Variants in ABCG2 observed in about 807,000 individuals in gnomAD.
The protein encoded by ABCG2 is ATP binding cassette subfamily G member 2 (JR blood group), also known as broad substrate specificity ATP-binding cassette transporter ABCG2.
A neutral mutation model predicts 73.5 loss-of-function variants in ABCG2; 80 were observed. The ratio of observed to expected loss-of-function variants is 1.09; its 90% CI spans 0.91 to 1.31. The LOEUF (loss-of-function observed/expected upper bound fraction) is 1.31. Among genes scored for constraint, ABCG2 ranks in the 50% most tolerant of loss-of-function variants. The pLI, the probability that ABCG2 is intolerant of heterozygous loss-of-function variation, is 0.00. For missense variants in ABCG2, 796 were observed against 786.2 expected, an observed-to-expected ratio of 1.01 and a Z score of -0.15; for synonymous variants, 269 against 282.4, an observed-to-expected ratio of 0.95 and a Z score of 0.48.
intron 12 of ABCG2, among the ~76,000 whole-genome samples, chr4:88,099,083 GACCC>G (rs1364804189): frequency 3.3e-5 from 5 of 152,186 alleles, no homozygotes; most frequent in Non-Finnish European, 7.4e-5. Context: ...GACAGAGCAA[GACCC>G]TGTCTCAAAA....
At chr4:88,194,399 A>G (rs1436643647) in intron 1 of ABCG2, among the ~76,000 whole-genome samples, 1 of 151,750 alleles carries the variant, frequency 6.6e-6, no homozygotes, top group African/African-American at 2.4e-5. Flanking sequence ...AAATACAAAA[A>G]ATTAGCAGGG....
chr4:88,218,189 A>ACC (rs1729884727), intron 1 of ABCG2, among the ~76,000 whole-genome samples: 1 of 152,056 alleles, frequency 6.6e-6, no homozygotes, highest in Admixed American at 6.6e-5. Context: ...AACAAGGCCT[A>ACC]CCCCAACCAC....
intron 1 of ABCG2, among the ~76,000 whole-genome samples, chr4:88,201,209 C>CAAAAA (rs3061250): frequency 2.3e-3 from 248 of 105,974 alleles, no homozygotes; most frequent in Admixed American, 3.7e-3. Flanking sequence ...GCACTAACTG[C>CAAAAA]AAAAAAAAAA....
At chr4:88,117,449 A>G (rs1290315762) in intron 7 of ABCG2, among the ~76,000 whole-genome samples, 1 of 152,152 alleles carries the variant, frequency 6.6e-6, no homozygotes, top group Non-Finnish European at 1.5e-5. Flanking sequence ...CCTGGCTAAC[A>G]GGGTGAAACC....
At chr4:88,209,560 G>A (rs1293158308) in intron 1 of ABCG2, among the ~76,000 whole-genome samples, 1 of 151,490 alleles carries the variant, frequency 6.6e-6, no homozygotes, top group Non-Finnish European at 1.5e-5. Flanking sequence ...CTACTCAGGA[G>A]GCAGAAGAAT....
chr4:88,152,332 C>T (rs1483540091), intron 1 of ABCG2, among the ~76,000 whole-genome samples: 1 of 152,158 alleles, frequency 6.6e-6, no homozygotes, highest in Non-Finnish European at 1.5e-5. Context: ...AATTTTCACT[C>T]GCGTCCGTGT....
At chr4:88,202,348 A>G (rs1729202027) in intron 1 of ABCG2, among the ~76,000 whole-genome samples, 1 of 64,756 alleles carries the variant, frequency 1.5e-5, no homozygotes, top group Non-Finnish European at 3.3e-5. Context: ...CCATCTCTAC[A>G]ATTATTTATA....
upstream of ABCG2, among the ~76,000 whole-genome samples, chr4:88,164,169 C>T (rs538876671): frequency 1.7e-3 from 256 of 151,984 alleles, 2 homozygotes; most frequent in Admixed American, 5.6e-3. Flanking sequence ...CGGGTTCAAG[C>T]GATTCTACTG....
At chr4:88,120,005 C>T (rs909664763) in intron 6 of ABCG2, among the ~76,000 whole-genome samples, 2 of 152,168 alleles carry the variant, frequency 1.3e-5, no homozygotes, top group Admixed American at 6.5e-5. Flanking sequence ...TACAGCAGCT[C>T]CTCCCATCAC....
chr4:88,209,386 G>T (rs993750595), intron 1 of ABCG2, among the ~76,000 whole-genome samples: 3 of 151,296 alleles, frequency 2.0e-5, no homozygotes, highest in Non-Finnish European at 4.4e-5. Context: ...AATTCAGACC[G>T]GATGCGGTGG....
Position 88,122,576 on chromosome 4 carries a change from G to C in ABCG2, c.532-784C>G, listed in dbSNP as rs551823452. Among the ~76,000 whole-genome samples the C allele has an allele frequency of 2.0e-5, 3 of 152,308 alleles. No individual in the cohort carries two copies. In the South Asian group the frequency reaches 6.2e-4, roughly 32 times the overall value. On this transcript the variant is annotated intron_variant, in intron 5 of 15. Transcript: ENST00000237612. ...TTCGAACTGGGTAGAGCCGACCACAGCTTGGCAAAGCCACTGTAGCCAGAC... is the reference window on the plus strand; with the variant it reads ...TTCGAACTGGGTAGAGCCGACCACACCTTGGCAAAGCCACTGTAGCCAGAC...
chr4:88,218,511 T>C, intron 1 of ABCG2, among the ~76,000 whole-genome samples: 1 of 152,218 alleles, frequency 6.6e-6, no homozygotes, highest in South Asian at 2.1e-4. Context: ...GTAAGTACTT[T>C]GGTGGTGATT....
intron 15 of ABCG2, among the ~76,000 whole-genome samples, chr4:88,092,677 T>C (rs1013896780): frequency 1.3e-5 from 2 of 152,210 alleles, no homozygotes; most frequent in Non-Finnish European, 2.9e-5. Flanking sequence ...AGTCATACTT[T>C]GAATCACCAA....
Position 88,154,237 on chromosome 4 carries a change from CT to C in ABCG2, c.-20+4148del, listed in dbSNP as rs1425864543. 3.3e-5 allele frequency among the ~76,000 whole-genome samples: 5 copies of C among 152,238 alleles called. No individual in the cohort carries two copies. In the East Asian group the frequency reaches 7.7e-4, roughly 24 times the overall value. ...TGTCCTGAGCGATGGGATATGATACCTTTTTGATGGCCCTTGCAGTGAATGA... is the reference window on the plus strand; with the variant it reads ...TGTCCTGAGCGATGGGATATGATACCTTTTGATGGCCCTTGCAGTGAATGA... On this transcript the variant is annotated intron_variant, in intron 1 of 15. Coordinates refer to ENST00000237612, the MANE Select transcript of ABCG2 (RefSeq NM_004827.3).
At chr4:88,151,637 G>C (rs112131728) in intron 1 of ABCG2, among the ~76,000 whole-genome samples, 4 of 152,066 alleles carry the variant, frequency 2.6e-5, no homozygotes, top group African/African-American at 9.6e-5. Flanking sequence ...TGCTGGGGAG[G>C]CTGAGGCAGG....
intron 1 of ABCG2, among the ~76,000 whole-genome samples, chr4:88,230,095 C>T (rs886604471): frequency 5.4e-5 from 8 of 149,376 alleles, no homozygotes; most frequent in Admixed American, 3.3e-4. Flanking sequence ...TGGGTTTAAG[C>T]GATTCTCCTG....
chr4:88,165,377 C>G (rs1727475508), intron 1 of ABCG2, among the ~76,000 whole-genome samples: 1 of 152,154 alleles, frequency 6.6e-6, no homozygotes, highest in Non-Finnish European at 1.5e-5. Flanking sequence ...TTTCTGGAAC[C>G]TTTTCAATCT....
intron 1 of ABCG2, among the ~76,000 whole-genome samples, chr4:88,150,823 G>T (rs896481587): frequency 6.6e-6 from 1 of 152,176 alleles, no homozygotes; most frequent in African/African-American, 2.4e-5. Flanking sequence ...GACCACATAA[G>T]AGTCCACCAT....
chr4:88,141,190 A>G (rs1034458638), intron 1 of ABCG2, among the ~76,000 whole-genome samples: 23 of 152,342 alleles, frequency 1.5e-4, no homozygotes, highest in African/African-American at 5.5e-4. Flanking sequence ...GACCAAAAAA[A>G]GTAAGAAGAA....
Sources: allele counts gnomAD v4.1 joint callset (sites outside exome capture counted in the v4.1 genomes callset), GRCh38; gene constraint gnomAD v4.1.1; transcripts MANE v1.5; gene names NCBI Gene and HGNC (gene_info 2026-07-23, HGNC 2026-07-21).